GGT7: variants seen among roughly 807,000 people sequenced by gnomAD.
The protein encoded by GGT7 is glutathione hydrolase 7.
GGT7 carries 30 observed loss-of-function variants against 69.2 expected under a neutral mutation model. That is an observed-to-expected ratio of 0.43 (90% CI 0.32 to 0.59). The LOEUF is 0.59. Among genes scored for constraint, GGT7 ranks in the 20% least tolerant of loss-of-function variants. The probability of loss-of-function intolerance (pLI) is 0.05; values close to 1 mark genes in which losing one functional copy is unlikely to be tolerated. For synonymous variants in GGT7, 388 were observed against 391.8 expected (o/e 0.99, Z 0.12); for missense variants, 733 against 901.1 (o/e 0.81, Z 2.39).
chr20:34,866,329 C>T (rs574881032), intron 1 of GGT7, among the ~76,000 whole-genome samples: 1 of 152,164 alleles, frequency 6.6e-6, no homozygotes, highest in South Asian at 2.1e-4. Flanking sequence ...TGCCTGTAAG[C>T]CCAGCTATTC....
Position 34,856,885 on chromosome 20 carries a change from G to A in GGT7, c.1023C>T (p.His341=), listed in dbSNP as rs369976191. 5.0e-5 allele frequency: 81 copies of A among 1,604,280 alleles called. No individual in the cohort carries two copies. The highest frequency in any genetic ancestry group is 2.4e-4 in the South Asian group (22 of 90,736). Residue 341 remains histidine, a synonymous_variant, in exon 8 of 15, where the codon CAC becomes CAT. Transcript: ENST00000336431. ...LTLEMVAEAQ[H]AGGVITEEDF... is the part of the protein sequence containing the mutation. Reference sequence around the variant, plus strand: ...CCTCTTCGGTTATGACACCCCCTGCGTGCTGAGCCTGGAGGGAAGAGAATG... The same window carrying A: ...CCTCTTCGGTTATGACACCCCCTGCATGCTGAGCCTGGAGGGAAGAGAATG...
chr20:34,859,834 G>T, intron 6 of GGT7, 135 bp downstream of exon 6: 1 of 785,078 alleles, frequency 1.3e-6, no homozygotes, highest in Non-Finnish European at 2.1e-6. Flanking sequence ...TCCAGGTGAG[G>T]GTGGGATAAG....
intron 13 of GGT7, chr20:34,850,301 G>A (rs2079368032): frequency 2.9e-6 from 2 of 693,204 alleles, no homozygotes; most frequent in Non-Finnish European, 5.3e-6. Context: ...GGAAGCCAGG[G>A]AAGATACACC....
At chr20:34,870,982 G>T (rs924414992) in intron 1 of GGT7, among the ~76,000 whole-genome samples, 1 of 151,738 alleles carries the variant, frequency 6.6e-6, no homozygotes, top group African/African-American at 2.4e-5. Flanking sequence ...AGTAGAGATG[G>T]GGTTTCACCA....
At chr20:34,854,464 T>C in intron 10 of GGT7, 67 bp downstream of exon 10, 1 of 946,554 alleles carries the variant, frequency 1.1e-6, no homozygotes, top group Non-Finnish European at 1.7e-6. Flanking sequence ...ACCAGCTGCT[T>C]TTCTCCTGAC....
In GGT7 at chr20:34,851,335, A is replaced by G. The variant is rs1398964977; in HGVS notation, c.1621T>C (p.Ser541Pro). The G allele has an allele frequency of 6.2e-7, 1 of 1,613,720 alleles. No homozygotes were observed. The highest frequency in any genetic ancestry group is 8.5e-7 in the Non-Finnish European group (1 of 1,179,972). The change falls in exon 13 of 15, where the codon TCT (serine) becomes CCT (proline). Residue 541 changes from serine to proline, a missense_variant. Physicochemically the swap from Ser to Pro is moderately conservative, Grantham distance 74. Coordinates refer to ENST00000336431, the MANE Select transcript of GGT7 (RefSeq NM_178026.3). ...CGGACCACTGTGGGCAGCAGGAAAG[A>G]GAGTGGCCGCTTCCCTGGCTGCACT... ...NSVQPGKRPL[S>P]FLLPTVVRPA...
At chr20:34,864,041 T>C (rs2079648848) in intron 1 of GGT7, among the ~76,000 whole-genome samples, 1 of 152,172 alleles carries the variant, frequency 6.6e-6, no homozygotes, top group Non-Finnish European at 1.5e-5. Flanking sequence ...CGGGAACAGA[T>C]AGTTCCTGCC....
chr20:34,862,059 TAGCTTATTTAC>T (rs1439779248), intron 3 of GGT7, among the ~76,000 whole-genome samples: 1 of 152,204 alleles, frequency 6.6e-6, no homozygotes, highest in East Asian at 1.9e-4. Context: ...TCCTTTTCTG[TAGCTTATTTAC>T]GTCTAAGATG....
chr20:34,861,216 T>G, intron 4 of GGT7: 1 of 364,894 alleles, frequency 2.7e-6, no homozygotes, highest in Non-Finnish European at 4.9e-6. Flanking sequence ...GCCTTTTTTC[T>G]TCCTTCCCAC....
At chr20:34,847,813 C>T (rs567949088) in intron 14 of GGT7, among the ~76,000 whole-genome samples, 11 of 152,246 alleles carry the variant, frequency 7.2e-5, no homozygotes, top group South Asian at 2.1e-4. Context: ...CATTTAGGGC[C>T]GGGCATGGTG....
intron 1 of GGT7, among the ~76,000 whole-genome samples, chr20:34,866,161 T>A (rs2079687015): frequency 6.6e-6 from 1 of 152,332 alleles, no homozygotes; most frequent in African/African-American, 2.4e-5. Context: ...TGATGATATA[T>A]GCAAGAAATG....
chr20:34,845,069 C>A lies in GGT7; in HGVS notation c.*259G>T, dbSNP rs935489734. On this transcript the variant is annotated 3_prime_UTR_variant, in exon 15 of 15. Coordinates refer to ENST00000336431, the MANE Select transcript of GGT7 (RefSeq NM_178026.3). ...TGACACACAGACAGATAGTCTGATT[C>A]CTCAAGGTCCTGCCTGCCTGGCTGT... 8 of 521,686 alleles carry A rather than the reference C, an allele frequency of 1.5e-5. No homozygotes were observed. The highest frequency in any genetic ancestry group is 2.7e-5 in the Non-Finnish European group (8 of 291,138). 32.3% of individuals were successfully genotyped at this position (521,686 alleles called of 1,614,324 possible).
At chr20:34,850,431 G>A (rs1181950143) in intron 13 of GGT7, among the ~76,000 whole-genome samples, 1 of 152,170 alleles carries the variant, frequency 6.6e-6, no homozygotes, top group Non-Finnish European at 1.5e-5. Flanking sequence ...TTAGTGGTTA[G>A]GAGTGTGCGT....
intron 1 of GGT7, among the ~76,000 whole-genome samples, chr20:34,869,823 T>C (rs1235310787): frequency 6.6e-6 from 1 of 151,806 alleles, no homozygotes; most frequent in African/African-American, 2.4e-5. Flanking sequence ...ATATGATGAG[T>C]TCAAAATAGA....
At chr20:34,854,335 A>C (rs6119535) in intron 10 of GGT7, among the ~76,000 whole-genome samples, 196 bp downstream of exon 10, 63,034 of 152,048 alleles carry the variant, frequency 0.41, 13,789 homozygotes, top group African/African-American at 0.54. Flanking sequence ...GAGCCACATG[A>C]AGTAAGCCAA....
chr20:34,863,682 T>C lies in GGT7; in HGVS notation c.170-134A>G. The stretch of plus-strand genomic sequence containing the variant: ...CCGCACTGGCTAGCACTACTCACCT[T>C]TCCTCATTTTCGCGTGCACCCCAGG... On this transcript the variant is annotated intron_variant, in intron 1 of 14. Coordinates refer to ENST00000336431, the MANE Select transcript of GGT7 (RefSeq NM_178026.3). This position sits in a 1 kb window ranked among gnomAD's most constrained non-coding sequence, Gnocchi z 4.4. The C allele has an allele frequency of 4.0e-6, 3 of 744,726 alleles. No individual in the cohort carries two copies. Among genetic ancestry groups the C allele is most frequent in the Non-Finnish European group, 7.3e-6 (3 of 410,814 alleles). 46.1% of individuals were successfully genotyped at this position (744,726 alleles called of 1,614,324 possible). A position where few individuals can be genotyped will look rare whatever the true frequency, so the allele number is the denominator to read the frequency against.
chr20:34,870,475 GT>G (rs1232992220), intron 1 of GGT7, among the ~76,000 whole-genome samples: 4 of 152,018 alleles, frequency 2.6e-5, no homozygotes, highest in African/African-American at 9.6e-5. Flanking sequence ...AGAGATGAGG[GT>G]TTTTTTTGTT....
intron 1 of GGT7, among the ~76,000 whole-genome samples, chr20:34,871,510 A>G (rs1306927147): frequency 6.6e-6 from 1 of 152,208 alleles, no homozygotes; most frequent in East Asian, 1.9e-4. Flanking sequence ...TGACGCCCAT[A>G]AACCTCTAAA....
chr20:34,855,595 G>C (rs989899371), intron 8 of GGT7, among the ~76,000 whole-genome samples: 1 of 152,108 alleles, frequency 6.6e-6, no homozygotes, highest in Non-Finnish European at 1.5e-5. Flanking sequence ...TGCATGCTCT[G>C]ATCAGGGCAA....
Sources: gnomAD v4.1 joint callset for allele counts (sites outside exome capture counted in the v4.1 genomes callset) on GRCh38, gnomAD v4.1.1 for gene constraint, Gnocchi (gnomAD v3.1) non-coding constraint, MANE v1.5 for transcripts, NCBI Gene and HGNC (gene_info 2026-07-23, HGNC 2026-07-21) for gene names.